Variants in IL1RAPL2 observed in about 807,000 individuals in gnomAD.
IL1RAPL2 encodes X-linked interleukin-1 receptor accessory protein-like 2.
Under a neutral mutation model 44.1 loss-of-function variants are expected in IL1RAPL2, and 3 were observed. That is an observed-to-expected ratio of 0.07 (90% CI 0.03 to 0.18). The LOEUF (loss-of-function observed/expected upper bound fraction) is 0.18. Among genes scored for constraint, IL1RAPL2 ranks in the 10% least tolerant of loss-of-function variants. The pLI is 1.00. For synonymous variants in IL1RAPL2, 181 were observed against 178.8 expected (o/e 1.01, Z -0.10); for missense variants, 391 against 496.4 (o/e 0.79, Z 2.02).
At chrX:105,224,139 G>A (rs915129405) in intron 3 of IL1RAPL2, among the ~76,000 whole-genome samples, 5 of 110,661 alleles carry the variant, frequency 4.5e-5, no homozygotes, top group East Asian at 2.8e-4. Flanking sequence ...AAGGAATCCC[G>A]AGGTCTTGGA....
intron 1 of IL1RAPL2, among the ~76,000 whole-genome samples, chrX:104,622,506 T>C (rs1475955345): frequency 9.0e-6 from 1 of 111,269 alleles, no homozygotes; most frequent in African/African-American, 3.3e-5. Flanking sequence ...TGTGCTTTTT[T>C]TTTTTAATAT....
chrX:105,447,033 G>A (rs796456056), intron 5 of IL1RAPL2, among the ~76,000 whole-genome samples: 18 of 76,174 alleles, frequency 2.4e-4, no homozygotes, highest in African/African-American at 8.8e-4. Flanking sequence ...TCATTTCTCC[G>A]TCATGCTTCA....
intron 2 of IL1RAPL2, among the ~76,000 whole-genome samples, chrX:105,062,558 A>G (rs1240055403): frequency 9.0e-6 from 1 of 111,190 alleles, no homozygotes; most frequent in Non-Finnish European, 1.9e-5. Context: ...TACTTATTGC[A>G]TATTAACATC....
At chrX:105,463,750 A>G (rs1429896714) in intron 5 of IL1RAPL2, among the ~76,000 whole-genome samples, 1 of 112,327 alleles carries the variant, frequency 8.9e-6, no homozygotes, top group African/African-American at 3.2e-5. Flanking sequence ...TCTGCTGAGT[A>G]ATGTTATCTT....
At position 105,497,737 on chromosome X, in the gene IL1RAPL2, C is replaced by T. The variant is rs765209144; in HGVS notation, c.772+13350C>T. Among the ~76,000 whole-genome samples the T allele has an allele frequency of 7.2e-5, 8 of 111,682 alleles. No individual in the cohort carries two copies. The South Asian group carries it at 3.0e-3, about 42-fold the overall frequency. The stretch of plus-strand genomic sequence containing the variant: ...AAGGATCATACATCATGACCAAGTG[C>T]GATTTAACCCCAGAATGCAAGGAAG... On this transcript the variant is annotated intron_variant, in intron 6 of 10. Coordinates refer to ENST00000372582, the MANE Select transcript of IL1RAPL2 (RefSeq NM_017416.2).
At chrX:104,638,527 G>GT (rs1929871758) in intron 1 of IL1RAPL2, among the ~76,000 whole-genome samples, 1 of 111,682 alleles carries the variant, frequency 9.0e-6, no homozygotes, top group Non-Finnish European at 1.9e-5. Context: ...TACATTTGCT[G>GT]TATCCCACAA....
chrX:104,726,363 C>A (rs1046705093), intron 2 of IL1RAPL2, among the ~76,000 whole-genome samples: 7 of 111,336 alleles, frequency 6.3e-5, no homozygotes, highest in Non-Finnish European at 1.3e-4. Context: ...GCTATATGGG[C>A]TCTTTTTTAG....
chrX:105,406,497 G>A lies in IL1RAPL2; in HGVS notation c.698-77816G>A, dbSNP rs1457677530. The A allele has an allele frequency of 5.0e-6, 6 of 1,201,068 alleles. No homozygotes were observed. The Admixed American group carries it at 1.1e-4, about 22-fold the overall frequency. ...CCAATATCCCGAAAGGAATTTGTCC[G>A]ATTTTTTGCTAGCAACTCCAACCAA... is the stretch of plus-strand genomic sequence containing the variant. On this transcript the variant is annotated intron_variant, in intron 5 of 10. Coordinates refer to ENST00000372582, the MANE Select transcript of IL1RAPL2 (RefSeq NM_017416.2).
At chrX:104,747,089 C>T (rs1932187085) in intron 2 of IL1RAPL2, among the ~76,000 whole-genome samples, 1 of 111,314 alleles carries the variant, frequency 9.0e-6, no homozygotes, top group African/African-American at 3.3e-5. Flanking sequence ...GTGTACTTAT[C>T]CTTTACTGAA....
At chrX:104,811,808 G>A (rs191849595) in intron 2 of IL1RAPL2, among the ~76,000 whole-genome samples, 40 of 110,955 alleles carry the variant, frequency 3.6e-4, no homozygotes, top group African/African-American at 1.3e-3. Context: ...TTCATTGAAG[G>A]TCTGCTGTCT....
At chrX:105,499,115 T>C (rs906041279) in intron 6 of IL1RAPL2, among the ~76,000 whole-genome samples, 2 of 111,225 alleles carry the variant, frequency 1.8e-5, no homozygotes, top group Non-Finnish European at 3.8e-5. Context: ...AAAATTGTCT[T>C]CCACAAAACT....
chrX:104,600,553 A>G (rs1472938082), intron 1 of IL1RAPL2, among the ~76,000 whole-genome samples: 1 of 109,095 alleles, frequency 9.2e-6, no homozygotes, highest in African/African-American at 3.3e-5. Flanking sequence ...TTAAGGGGAT[A>G]CATGTGCAGA....
intron 3 of IL1RAPL2, among the ~76,000 whole-genome samples, chrX:105,213,380 G>T (rs2033823991): frequency 9.2e-6 from 1 of 108,316 alleles, no homozygotes; most frequent in Non-Finnish European, 1.9e-5. Context: ...GGATATGAGA[G>T]ATTGAACATC....
At chrX:104,591,142 C>A (rs1230120482) in intron 1 of IL1RAPL2, among the ~76,000 whole-genome samples, 1 of 111,655 alleles carries the variant, frequency 9.0e-6, no homozygotes, top group Non-Finnish European at 1.9e-5. Flanking sequence ...TACTTTTTTT[C>A]CTTCTCTGCT....
rs781520899 is a variant in IL1RAPL2 at position 104,917,991 on chromosome X, C to A, written c.82+258996C>A. Among the ~76,000 whole-genome samples, 3 of 110,687 alleles carry A rather than the reference C, an allele frequency of 2.7e-5. No homozygotes were observed. In the East Asian group the frequency reaches 8.5e-4, roughly 31 times the overall value. ...ACTTTACCAGATATACTAATTACTG[C>A]CCTAGGTAATAATACCAGAGAAGAT... On this transcript the variant is annotated intron_variant, in intron 2 of 10. Coordinates refer to ENST00000372582, the MANE Select transcript of IL1RAPL2 (RefSeq NM_017416.2).
chrX:105,659,778 A>G (rs1461538669), intron 6 of IL1RAPL2, among the ~76,000 whole-genome samples: 1 of 110,432 alleles, frequency 9.1e-6, no homozygotes, highest in Non-Finnish European at 1.9e-5. Flanking sequence ...CTGATCAAGC[A>G]GAAGAAAGAT....
At chrX:105,203,201 T>G (rs992875932) in intron 3 of IL1RAPL2, among the ~76,000 whole-genome samples, 2 of 112,172 alleles carry the variant, frequency 1.8e-5, no homozygotes, top group Non-Finnish European at 3.8e-5. Flanking sequence ...CCAGATTCTA[T>G]CCCTATTTGC....
intron 1 of IL1RAPL2, among the ~76,000 whole-genome samples, chrX:104,650,265 C>T (rs1173872462): frequency 9.0e-6 from 1 of 111,687 alleles, no homozygotes; most frequent in Non-Finnish European, 1.9e-5. Context: ...GTATAATTGC[C>T]ATGATAGTAG....
chrX:104,850,522 T>C (rs1423456930), intron 2 of IL1RAPL2, among the ~76,000 whole-genome samples: 1 of 111,974 alleles, frequency 8.9e-6, no homozygotes, highest in Non-Finnish European at 1.9e-5. Flanking sequence ...TTGATCTGAG[T>C]CTTTCATAAA....
Sources: gnomAD v4.1 joint callset for allele counts (sites outside exome capture counted in the v4.1 genomes callset) on GRCh38, gnomAD v4.1.1 for gene constraint, MANE v1.5 for transcripts, NCBI Gene and HGNC (gene_info 2026-07-23, HGNC 2026-07-21) for gene names.